SPRED2: variants seen among roughly 807,000 people sequenced by gnomAD.
SPRED2 encodes the protein sprouty-related, EVH1 domain-containing protein 2.
SPRED2 carries 47 observed loss-of-function variants against 43.0 expected under a neutral mutation model. The observed-to-expected ratio is 1.09, with a 90% CI of 0.87 to 1.40. The LOEUF is 1.40. SPRED2 is among the 40% of genes most tolerant of loss of function. The pLI is 0.00. For missense variants in SPRED2, 561 were observed against 586.4 expected (o/e 0.96, Z 0.45); for synonymous variants, 225 against 225.7 (o/e 1.00, Z 0.03).
intron 1 of SPRED2, among the ~76,000 whole-genome samples, chr2:65,417,651 T>C (rs1676319357): frequency 6.6e-6 from 1 of 152,182 alleles, no homozygotes; most frequent in Non-Finnish European, 1.5e-5. Flanking sequence ...TTTAACACAG[T>C]ACCCAAAACA....
At position 65,400,106 on chromosome 2, in the gene SPRED2, G is replaced by A. The variant is rs138391327; in HGVS notation, c.26+31856C>T. The stretch of plus-strand genomic sequence containing the variant: ...CTCAATCCTTCTGACATCAAATTCA[G>A]TGATTACCTATTAGTTTTCTGAGGT... On this transcript the variant is annotated intron_variant, in intron 1 of 5. Transcript: ENST00000356388. 1.2e-4 allele frequency among the ~76,000 whole-genome samples: 18 copies of A among 152,270 alleles called. No individual in the cohort carries two copies. In the East Asian group the frequency reaches 2.5e-3, roughly 21 times the overall value.
At chr2:65,372,484 A>G (rs896216723) in intron 1 of SPRED2, among the ~76,000 whole-genome samples, 2 of 152,182 alleles carry the variant, frequency 1.3e-5, no homozygotes, top group Non-Finnish European at 2.9e-5. Flanking sequence ...TATGTGGCTG[A>G]TGGGAGGCCA....
At chr2:65,326,367 G>T (rs1673616376) in intron 4 of SPRED2, among the ~76,000 whole-genome samples, 1 of 152,148 alleles carries the variant, frequency 6.6e-6, no homozygotes, top group Non-Finnish European at 1.5e-5. Context: ...TTCTCCTTTG[G>T]CAAACAGGAA....
chr2:65,403,653 T>C (rs1675956668), intron 1 of SPRED2, among the ~76,000 whole-genome samples: 1 of 151,950 alleles, frequency 6.6e-6, no homozygotes, highest in African/African-American at 2.4e-5. Context: ...GTCCAAGGAG[T>C]AGCATCATGG....
chr2:65,314,290 A>G, intron 5 of SPRED2, 121 bp from the exon 6 acceptor site: 1 of 916,816 alleles, frequency 1.1e-6, no homozygotes, highest in East Asian at 2.7e-5. Flanking sequence ...TAACTCCATC[A>G]CGATGCTCCG....
chr2:65,388,094 C>T (rs967242203), intron 1 of SPRED2, among the ~76,000 whole-genome samples: 13 of 152,112 alleles, frequency 8.5e-5, no homozygotes, highest in African/African-American at 1.9e-4. Context: ...CAGCGGAGAA[C>T]GAATTTCTAA....
At chr2:65,347,588 C>T (rs1035197214) in intron 1 of SPRED2, among the ~76,000 whole-genome samples, 1 of 152,102 alleles carries the variant, frequency 6.6e-6, no homozygotes, top group Non-Finnish European at 1.5e-5. Context: ...GCACTCTCTC[C>T]GCCCTTCCTC....
At chr2:65,389,835 A>G (rs1287470042) in intron 1 of SPRED2, among the ~76,000 whole-genome samples, 1 of 152,270 alleles carries the variant, frequency 6.6e-6, no homozygotes. Context: ...ATTTTGCAGG[A>G]GTAAAATGGC....
At chr2:65,340,595 A>G (rs1674147603) in intron 2 of SPRED2, among the ~76,000 whole-genome samples, 1 of 152,242 alleles carries the variant, frequency 6.6e-6, no homozygotes, top group Non-Finnish European at 1.5e-5. Context: ...AGAAAATTTT[A>G]ATTTAAATAT....
chr2:65,342,199 TTATG>T (rs1184740097), intron 2 of SPRED2, among the ~76,000 whole-genome samples: 1 of 148,372 alleles, frequency 6.7e-6, no homozygotes, highest in South Asian at 2.1e-4. Flanking sequence ...TATACGTATA[TTATG>T]TATGTATATT....
At chr2:65,374,578 A>T (rs1436790256) in intron 1 of SPRED2, among the ~76,000 whole-genome samples, 3 of 152,258 alleles carry the variant, frequency 2.0e-5, no homozygotes, top group Admixed American at 2.0e-4. Flanking sequence ...AAAGTAGATG[A>T]TCACATCTAG....
chr2:65,427,690 A>G (rs1300041473), intron 1 of SPRED2, among the ~76,000 whole-genome samples: 7 of 152,234 alleles, frequency 4.6e-5, no homozygotes, highest in Non-Finnish European at 2.9e-5. Context: ...TTTTCTGGGA[A>G]GATAAGTGAA....
At chr2:65,391,541 A>G (rs1315855439) in intron 1 of SPRED2, among the ~76,000 whole-genome samples, 2 of 152,126 alleles carry the variant, frequency 1.3e-5, no homozygotes, top group Non-Finnish European at 2.9e-5. Context: ...TAAAAGTACT[A>G]TTTTCCAAGG....
chr2:65,316,656 G>A, intron 5 of SPRED2, 78 bp downstream of exon 5: 1 of 1,519,372 alleles, frequency 6.6e-7, no homozygotes, highest in South Asian at 1.2e-5. Context: ...GAATTTGGCT[G>A]AATAGGAGGG....
At chr2:65,393,999 A>C (rs573901089) in intron 1 of SPRED2, among the ~76,000 whole-genome samples, 2 of 152,208 alleles carry the variant, frequency 1.3e-5, no homozygotes, top group African/African-American at 4.8e-5. Flanking sequence ...AAACTACACA[A>C]GCAAAAAATG....
Position 65,409,967 on chromosome 2 carries a change from T to A in SPRED2, c.26+21995A>T, listed in dbSNP as rs534925931. ...ATCGCTTGAACCAGGGAGGTGGAGGTTGCAGTGAGCCAAGATTGCACCACT... is the reference window on the plus strand; with the variant it reads ...ATCGCTTGAACCAGGGAGGTGGAGGATGCAGTGAGCCAAGATTGCACCACT... On this transcript the variant is annotated intron_variant, in intron 1 of 5. Transcript: ENST00000356388. Among the ~76,000 whole-genome samples, 10 of 148,330 alleles carry A rather than the reference T, an allele frequency of 6.7e-5. No individual in the cohort carries two copies. The South Asian group carries it at 2.2e-3, about 32-fold the overall frequency.
In SPRED2 at chr2:65,313,850, T is replaced by C; in HGVS notation, c.908A>G (p.Asp303Gly). The C allele has an allele frequency of 6.2e-7, 1 of 1,611,522 alleles. No individual in the cohort carries two copies. The highest frequency in any genetic ancestry group is 8.5e-7 in the Non-Finnish European group (1 of 1,179,888). The change falls in exon 6 of 6, where the codon GAC becomes GGC. Residue 303 changes from aspartate (D) to glycine (G), a missense_variant. By Grantham distance (94) the Asp-to-Gly change is moderately conservative. Coordinates refer to ENST00000356388, the MANE Select transcript of SPRED2 (RefSeq NM_181784.3). Reference protein sequence around the residue: ...SRGKSRRRKEDGERSRCVYCR... With the variant: ...SRGKSRRRKEGGERSRCVYCR... ...GTACACGCACCGCGAGCGCTCTCCG[T>C]CCTCCTTCCGCCGCCGCGACTTGCC...
At chr2:65,333,148 C>G (rs2104209915) in intron 3 of SPRED2, among the ~76,000 whole-genome samples, 1 of 151,662 alleles carries the variant, frequency 6.6e-6, no homozygotes, top group Non-Finnish European at 1.5e-5. Context: ...CGCCTGTAAT[C>G]CTAGCTACTG....
At chr2:65,426,154 G>C (rs1452896200) in intron 1 of SPRED2, among the ~76,000 whole-genome samples, 2 of 152,284 alleles carry the variant, frequency 1.3e-5, no homozygotes, top group African/African-American at 2.4e-5. Context: ...TTTTTTACTT[G>C]TCAGTTCTCG....
Sources: allele counts gnomAD v4.1 joint callset (sites outside exome capture counted in the v4.1 genomes callset), GRCh38; gene constraint gnomAD v4.1.1; transcripts MANE v1.5; gene names NCBI Gene and HGNC (gene_info 2026-07-23, HGNC 2026-07-21).